MACF1: variants seen among roughly 807,000 people sequenced by gnomAD.
MACF1 encodes microtubule-actin cross-linking factor 1.
In MACF1, 193 loss-of-function variants were observed where a neutral mutation model predicts 854.8. The ratio of observed to expected loss-of-function variants is 0.23; its 90% CI spans 0.20 to 0.25. The LOEUF (loss-of-function observed/expected upper bound fraction) is 0.25. Ranked by LOEUF, MACF1 falls within the 10% of genes least tolerant of loss-of-function variation. The pLI is 1.00. For missense variants in MACF1, 7,722 were observed against 8,929.1 expected, an observed-to-expected ratio of 0.86 and a Z score of 5.45; for synonymous variants, 3,185 against 3,226.7, an observed-to-expected ratio of 0.99 and a Z score of 0.44.
chr1:39,255,935 C>T (rs1216463379), intron 5 of MACF1, among the ~76,000 whole-genome samples: 3 of 151,988 alleles, frequency 2.0e-5, no homozygotes, highest in Non-Finnish European at 4.4e-5. Flanking sequence ...AGAATGAAAA[C>T]GTGGACAGGT....
chr1:39,188,811 C>T (rs1342876396), intron 2 of MACF1, among the ~76,000 whole-genome samples: 1 of 152,072 alleles, frequency 6.6e-6, no homozygotes, highest in Non-Finnish European at 1.5e-5. Context: ...ACCATGTTGG[C>T]CAGGCTGGTC....
In MACF1 at chr1:39,309,070, A is replaced by G. The variant is rs535897349; in HGVS notation, c.2790-500A>G. Among the ~76,000 whole-genome samples, 3 of 152,254 alleles carry G rather than the reference A, an allele frequency of 2.0e-5. No homozygotes were observed. In the East Asian group the frequency reaches 5.8e-4, roughly 29 times the overall value. ...TAAACATTGATATAATCCTTTTTCA[A>G]CAATTCTGGATGGGATGTTGTTTAT... On this transcript the variant is annotated intron_variant, in intron 23 of 100. Transcript: ENST00000564288.
chr1:39,106,806 C>A (rs1207706233), intron 2 of MACF1, among the ~76,000 whole-genome samples: 2 of 141,124 alleles, frequency 1.4e-5, no homozygotes, highest in East Asian at 4.9e-4. Context: ...CCCCCTCCCC[C>A]CCACTTTTTT....
intron 89 of MACF1, among the ~76,000 whole-genome samples, chr1:39,456,510 G>A (rs180980082): frequency 5.9e-5 from 9 of 152,288 alleles, no homozygotes; most frequent in Non-Finnish European, 1.2e-4. Flanking sequence ...CATAGTTTAG[G>A]TGTGTTATAT....
chr1:39,458,344 T>C (rs780514764), intron 89 of MACF1, 26 bp from the exon 90 acceptor site: 2 of 1,609,770 alleles, frequency 1.2e-6, no homozygotes, highest in Non-Finnish European at 1.7e-6. Context: ...TATTTAACTC[T>C]TTTTCCTATT....
chr1:39,347,093 G>A lies in MACF1; in HGVS notation c.10698G>A (p.Met3566Ile). 6.2e-7 allele frequency: 1 copy of A among 1,614,076 alleles called. No homozygotes were observed. Among genetic ancestry groups the A allele is most frequent in the Non-Finnish European group, 8.5e-7 (1 of 1,179,914 alleles). Residue 3566 changes from methionine to isoleucine, a missense_variant, in exon 41 of 101, where the codon ATG (methionine) becomes ATA (isoleucine). Around this residue, in one of 15 missense-constraint regions of MACF1, gnomAD observed 854 missense variants for 852.6 expected, o/e 1.00. Coordinates refer to ENST00000564288, the MANE Select transcript of MACF1 (RefSeq NM_001394062.1). ...TGTCCCCTCAGCAGAATCGACAGAT[G>A]CTGAGGCTTCTGAATGAACTGCAGA... ...QDLSPQQNRQ[M>I]LRLLNELQRS...
chr1:39,211,063 T>C (rs1644509310), intron 1 of MACF1, among the ~76,000 whole-genome samples: 1 of 151,924 alleles, frequency 6.6e-6, no homozygotes, highest in African/African-American at 2.4e-5. Flanking sequence ...GCCTCCTGGG[T>C]TCAAGTGATT....
At position 39,334,699 on chromosome 1, in the gene MACF1, T is replaced by C. The variant is rs1646782098; in HGVS notation, c.8111T>C (p.Leu2704Ser). ...ACTGCTACTGGAAAAAGACTGACAT[T>C]GGCATCAGCTTTGGAAGAGAAACTG... ...IDTATGKRLT[L>S]ASALEEKLVD... Residue 2704 changes from leucine to serine, a missense_variant, in exon 37 of 101, where the codon TTG becomes TCG. Leu to Ser is a moderately radical substitution (Grantham distance 145). This residue lies in a region of MACF1 where 1,531 missense variants were observed against 1,601.6 expected (regional missense o/e 0.96). Coordinates refer to ENST00000564288, the MANE Select transcript of MACF1 (RefSeq NM_001394062.1). 1 of 1,613,978 alleles carries C rather than the reference T, an allele frequency of 6.2e-7. No homozygotes were observed. Among genetic ancestry groups the C allele is most frequent in the African/African-American group, 1.3e-5 (1 of 74,924 alleles).
Position 39,460,544 on chromosome 1 carries a change from ACTGAATGT to A in MACF1, c.21361-82_21361-75del. On this transcript the variant is annotated intron_variant, in intron 91 of 100. Transcript: ENST00000564288. The surrounding 1 kb of genome is among the most constrained non-coding windows in gnomAD (Gnocchi z 4.1). The stretch of plus-strand genomic sequence containing the variant: ...TGATGGCCCCTGGAAGCATGGCTTT[ACTGAATGT>A]CTGAAAGTTTGGGTATGCTCTGGGC... 1 of 1,140,310 alleles carries A rather than the reference ACTGAATGT, an allele frequency of 8.8e-7. No homozygotes were observed. The highest frequency in any genetic ancestry group is 1.3e-6 in the Non-Finnish European group (1 of 766,846). 70.6% of individuals were successfully genotyped at this position (1,140,310 alleles called of 1,614,324 possible).
chr1:39,398,127 T>G (rs938259495), intron 58 of MACF1, among the ~76,000 whole-genome samples: 2 of 133,008 alleles, frequency 1.5e-5, no homozygotes, highest in Non-Finnish European at 3.2e-5. Flanking sequence ...AGACTCCCAC[T>G]CCCCGCCACT....
intron 20 of MACF1, among the ~76,000 whole-genome samples, chr1:39,296,785 A>G (rs141380025): frequency 0.022 from 1,299 of 58,076 alleles, 33 homozygotes; most frequent in Middle Eastern, 0.057. Flanking sequence ...AGAAAGAAAG[A>G]AAGAAAGGAA....
chr1:39,379,523 A>T, intron 54 of MACF1, 79 bp downstream of exon 54: 1 of 1,489,064 alleles, frequency 6.7e-7, no homozygotes, highest in Non-Finnish European at 9.0e-7. Context: ...AAGCCCAGGT[A>T]TCTGAGAGAG....
rs916867336 is a variant in MACF1, at chr1:39,291,850, G to A, written c.1786-60G>A. 1.1e-5 allele frequency: 17 copies of A among 1,556,442 alleles called. No individual in the cohort carries two copies. The East Asian group carries it at 4.0e-4, about 36-fold the overall frequency. ...GGTTCCTTGTCCTAACATTGGTTCTGACCATTTTCCTACCAAGCCAGCAGT... is the reference window on the plus strand; with the variant it reads ...GGTTCCTTGTCCTAACATTGGTTCTAACCATTTTCCTACCAAGCCAGCAGT... On this transcript the variant is annotated intron_variant, in intron 15 of 100. Coordinates refer to ENST00000564288, the MANE Select transcript of MACF1 (RefSeq NM_001394062.1).
Position 39,485,654 on chromosome 1 carries a change from G to C in MACF1, c.22528G>C (p.Ala7510Pro), listed in dbSNP as rs1645092359. ...SDFDLLETQS[A>P]CSDTSESSAA... The stretch of plus-strand genomic sequence containing the variant: ...CTTTGACCTCTTAGAGACGCAGTCT[G>C]CTTGTTCCGACACTTCAGAAAGCAG... Residue 7510 changes from alanine to proline, a missense_variant, in exon 101 of 101, where the codon GCT becomes CCT. Transcript: ENST00000564288. 1 of 1,614,028 alleles carries C rather than the reference G, an allele frequency of 6.2e-7. No individual in the cohort carries two copies.
In MACF1 at chr1:39,337,334, A is replaced by G. The variant is rs756088396; in HGVS notation, c.10215+3A>G. On this transcript the variant is annotated splice_donor_region_variant and intron_variant, in intron 38 of 100. Coordinates refer to ENST00000564288, the MANE Select transcript of MACF1 (RefSeq NM_001394062.1). ...AGGATCTGCTGTGTCAGGCCAAGGT[A>G]GGTTCCCAGAGACTTCCACCACAGA... 6.2e-7 allele frequency: 1 copy of G among 1,612,344 alleles called. No homozygotes were observed. The highest frequency in any genetic ancestry group is 1.1e-5 in the South Asian group (1 of 90,638).
At position 39,443,460 on chromosome 1, in the gene MACF1, C is replaced by T. The variant is rs1004886429; in HGVS notation, c.19317C>T (p.His6439=). The change falls in exon 79 of 101, where the codon CAC becomes CAT. Residue 6439 remains histidine, a synonymous_variant. Transcript: ENST00000564288. ...QSTLQQAQGF[H]SEIEDFLLEL... ...TTTCTCAAAAGGCCCAGGGCTTCCA[C>T]AGTGAAATTGAAGATTTCCTCTTGG... 8 of 1,612,282 alleles carry T rather than the reference C, an allele frequency of 5.0e-6. No homozygotes were observed. Among genetic ancestry groups the T allele is most frequent in the Non-Finnish European group, 6.8e-6 (8 of 1,179,472 alleles).
chr1:39,350,862 G>A lies in MACF1; in HGVS notation c.11043G>A (p.Glu3681=). ...VVKDIEGFME[E]NQTKLSPREL... The stretch of plus-strand genomic sequence containing the variant: ...AGGACATTGAGGGGTTCATGGAAGA[G>A]AATCAGACCAAGCTGAGCCCACGTG... Residue 3681 remains glutamate, a synonymous_variant, in exon 43 of 101, where the codon GAG becomes GAA. Coordinates refer to ENST00000564288, the MANE Select transcript of MACF1 (RefSeq NM_001394062.1). The A allele has an allele frequency of 6.2e-7, 1 of 1,614,082 alleles. No homozygotes were observed. Among genetic ancestry groups the A allele is most frequent in the Non-Finnish European group, 8.5e-7 (1 of 1,179,996 alleles).
At chr1:39,314,117 A>G (rs1260016193) in intron 26 of MACF1, among the ~76,000 whole-genome samples, 5 of 152,214 alleles carry the variant, frequency 3.3e-5, no homozygotes, top group Admixed American at 2.6e-4. Flanking sequence ...AGACAGAGCT[A>G]GAAAACATAG....
chr1:39,275,422 T>C (rs571906866), intron 6 of MACF1, among the ~76,000 whole-genome samples: 7 of 152,170 alleles, frequency 4.6e-5, no homozygotes, highest in African/African-American at 1.7e-4. Context: ...TTGCCCAGGC[T>C]AGAGAGCAGT....
Sources: allele counts gnomAD v4.1 joint callset (sites outside exome capture counted in the v4.1 genomes callset), GRCh38; gene constraint gnomAD v4.1.1; regional missense constraint gnomAD v4.1.1; non-coding constraint Gnocchi (gnomAD v3.1); transcripts MANE v1.5; gene names NCBI Gene and HGNC (gene_info 2026-07-23, HGNC 2026-07-21).